The following CDK5RAP2 variants were observed in gnomAD, a reference collection of about 807,000 sequenced individuals.
CDK5RAP2 encodes CDK5 regulatory subunit-associated protein 2.
Under a neutral mutation model 232.9 loss-of-function variants are expected in CDK5RAP2, and 147 were observed. The ratio of observed to expected loss-of-function variants is 0.63; its 90% confidence interval spans 0.55 to 0.72. The LOEUF (loss-of-function observed/expected upper bound fraction) is 0.72, where lower values mean the gene tolerates loss of function less well. CDK5RAP2 is among the 30% of genes least tolerant of loss of function. The pLI is 0.00. For synonymous variants in CDK5RAP2, 833 were observed against 833.7 expected, an observed-to-expected ratio of 1.00 and a Z score of 0.01; for missense variants, 2,195 against 2,231.5, an observed-to-expected ratio of 0.98 and a Z score of 0.33.
chr9:120,452,224 T>C (rs2131396814), intron 21 of CDK5RAP2, among the ~76,000 whole-genome samples: 1 of 149,026 alleles, frequency 6.7e-6, no homozygotes. Flanking sequence ...TCTAGTACCG[T>C]TAATATAATG....
At position 120,403,945 on chromosome 9, in the gene CDK5RAP2, G is replaced by A. The variant is rs1252123102; in HGVS notation, c.5041+91C>T. 2.3e-6 allele frequency: 2 copies of A among 857,168 alleles called. No homozygotes were observed. The highest frequency in any genetic ancestry group is 4.0e-6 in the Non-Finnish European group (2 of 495,330). The allele number at this position is 857,168 out of a possible 1,614,324, so 53.1% of individuals were successfully genotyped here. A position where few individuals can be genotyped will look rare whatever the true frequency, so the allele number is the denominator to read the frequency against. Reference sequence around the variant, plus strand: ...AAATCCTTACCAAATACCCTCCTGAGTTGGGACCAGGGACCCCCCTTTTCT... The same window carrying A: ...AAATCCTTACCAAATACCCTCCTGAATTGGGACCAGGGACCCCCCTTTTCT... On this transcript the variant is annotated intron_variant, in intron 33 of 37. Coordinates refer to ENST00000349780, the MANE Select transcript of CDK5RAP2 (RefSeq NM_018249.6). This position sits in a 1 kb window ranked among gnomAD's most constrained non-coding sequence, Gnocchi z 4.2.
At position 120,389,184 on chromosome 9, in the gene CDK5RAP2, A is replaced by T; in HGVS notation, c.*52T>A. The T allele has an allele frequency of 1.4e-6, 2 of 1,450,584 alleles. No individual in the cohort carries two copies. The highest frequency in any genetic ancestry group is 2.3e-5 in the South Asian group (2 of 85,392). The allele number at this position is 1,450,584 out of a possible 1,614,324, so 89.9% of individuals were successfully genotyped here. A position where few individuals can be genotyped will look rare whatever the true frequency, so the allele number is the denominator to read the frequency against. Reference sequence around the variant, plus strand: ...TAGGAACCACACTTGGAACAAAGAGACAGCGTGAGCTCGGTGGGGGAAGCA... The same window carrying T: ...TAGGAACCACACTTGGAACAAAGAGTCAGCGTGAGCTCGGTGGGGGAAGCA... On this transcript the variant is annotated 3_prime_UTR_variant, in exon 38 of 38. Coordinates refer to ENST00000349780, the MANE Select transcript of CDK5RAP2 (RefSeq NM_018249.6).
chr9:120,501,309 C>A (rs1259459058), intron 12 of CDK5RAP2, among the ~76,000 whole-genome samples: 8 of 152,216 alleles, frequency 5.3e-5, no homozygotes, highest in Admixed American at 5.2e-4. Context: ...ATCATCTTCT[C>A]AGACCAGTCT....
At chr9:120,567,866 T>C (rs2042702997) in intron 3 of CDK5RAP2, among the ~76,000 whole-genome samples, 2 of 152,178 alleles carry the variant, frequency 1.3e-5, no homozygotes, top group Non-Finnish European at 2.9e-5. Context: ...AACAACTCTC[T>C]CCTAGTCTTA....
At chr9:120,391,515 A>G (rs757057643) in intron 36 of CDK5RAP2, among the ~76,000 whole-genome samples, 5 of 152,218 alleles carry the variant, frequency 3.3e-5, no homozygotes, top group Admixed American at 6.5e-5. Context: ...ACCTGGTGAC[A>G]GGTGGTTTCC....
intron 25 of CDK5RAP2, among the ~76,000 whole-genome samples, chr9:120,423,875 A>C (rs1243976152): frequency 1.3e-5 from 2 of 152,244 alleles, no homozygotes; most frequent in Admixed American, 1.3e-4. Context: ...GTTCCCACCT[A>C]CAAACTCACA....
chr9:120,498,572 A>G (rs963552195), intron 12 of CDK5RAP2, among the ~76,000 whole-genome samples: 9 of 152,196 alleles, frequency 5.9e-5, no homozygotes, highest in African/African-American at 1.9e-4. Context: ...TTAGTTCATA[A>G]TGTTGCATCA....
In CDK5RAP2 at chr9:120,415,115, G is replaced by C. The variant is rs151259479; in HGVS notation, c.4222C>G (p.Arg1408Gly). 65 of 1,613,794 alleles carry C rather than the reference G, an allele frequency of 4.0e-5. No individual in the cohort carries two copies. Among genetic ancestry groups the C allele is most frequent in the South Asian group, 1.6e-4 (15 of 91,082 alleles). Reference sequence around the variant, plus strand: ...TTTGTTTTAATAGATTCTTCTAAACGCTTTCTCAAAGTTCGAATTTCCTGT... The same window carrying C: ...TTTGTTTTAATAGATTCTTCTAAACCCTTTCTCAAAGTTCGAATTTCCTGT... The part of the protein sequence containing the change: ...HIQEIRTLRK[R>G]LEESIKTNEK... The change falls in exon 28 of 38, where the codon CGT (arginine) becomes GGT (glycine). Residue 1408 changes from arginine to glycine, a missense_variant. By Grantham distance (125) the Arg-to-Gly change is moderately radical. Coordinates refer to ENST00000349780, the MANE Select transcript of CDK5RAP2 (RefSeq NM_018249.6).
intron 35 of CDK5RAP2, among the ~76,000 whole-genome samples, chr9:120,397,549 AAAAAAAAAAAAAAAAAGAAAAAAG>A (rs2032598946): frequency 7.2e-6 from 1 of 138,026 alleles, no homozygotes; most frequent in Admixed American, 7.1e-5. Context: ...ATTCTTAAAA[AAAAAAAAAAAAAAAAAGAAAAAAG>A]AAAAAAAAAA....
At chr9:120,573,264 C>G (rs2042917286) in intron 1 of CDK5RAP2, among the ~76,000 whole-genome samples, 1 of 152,042 alleles carries the variant, frequency 6.6e-6, no homozygotes, top group Non-Finnish European at 1.5e-5. Context: ...AAAAATGTGT[C>G]CGGGCTGGGT....
At chr9:120,393,654 T>A (rs2032201468) in intron 36 of CDK5RAP2, among the ~76,000 whole-genome samples, 1 of 152,204 alleles carries the variant, frequency 6.6e-6, no homozygotes, top group Non-Finnish European at 1.5e-5. Context: ...CGCCTGCTCC[T>A]CTAAATGCAG....
chr9:120,452,918 C>T (rs1229152712), intron 21 of CDK5RAP2, among the ~76,000 whole-genome samples: 1 of 152,026 alleles, frequency 6.6e-6, no homozygotes, highest in African/African-American at 2.4e-5. Context: ...ATAGATGAAG[C>T]CCTCAGAATA....
intron 12 of CDK5RAP2, among the ~76,000 whole-genome samples, chr9:120,497,819 C>T (rs1219431918): frequency 3.9e-5 from 6 of 152,138 alleles, no homozygotes; most frequent in Admixed American, 3.9e-4. Flanking sequence ...GGAACATGTC[C>T]GGGGTTCAGG....
intron 3 of CDK5RAP2, among the ~76,000 whole-genome samples, chr9:120,552,697 G>T (rs958962565): frequency 4.5e-5 from 5 of 111,428 alleles, no homozygotes; most frequent in African/African-American, 1.4e-4. Flanking sequence ...CTGTTGTGGG[G>T]TGGGGGGAGG....
intron 4 of CDK5RAP2, among the ~76,000 whole-genome samples, chr9:120,549,134 C>A (rs1365880230): frequency 2.8e-5 from 4 of 141,726 alleles, no homozygotes; most frequent in African/African-American, 8.0e-5. Flanking sequence ...CCAGCCTGGG[C>A]AACAGACGGA....
At position 120,530,012 on chromosome 9, in the gene CDK5RAP2, G is replaced by A; in HGVS notation, c.791C>T (p.Ala264Val). The A allele has an allele frequency of 2.5e-6, 4 of 1,613,932 alleles. No individual in the cohort carries two copies. The highest frequency in any genetic ancestry group is 3.4e-6 in the Non-Finnish European group (4 of 1,179,906). The change falls in exon 8 of 38, where the codon GCT (alanine) becomes GTT (valine). Residue 264 changes from alanine (A) to valine (V), a missense_variant. Coordinates refer to ENST00000349780, the MANE Select transcript of CDK5RAP2 (RefSeq NM_018249.6). ...TCTCTCCTTTTCTTCCCTTGGAGCA[G>A]CACAAAGTCCTCGGAGCTCTCCAGA... ...VSSGELRGLC[A>V]APREEKERET...
rs1446895665 is a variant in CDK5RAP2, at chr9:120,403,408, G to C, written c.5042-337C>G. On this transcript the variant is annotated intron_variant, in intron 33 of 37. Transcript: ENST00000349780. The surrounding 1 kb of genome is among the most constrained non-coding windows in gnomAD (Gnocchi z 4.2). ...TGATCAGAACACAGACACTGCAGAAGGTGCAACAGCAGAGTGATGAAGGGC... is the reference window on the plus strand; with the variant it reads ...TGATCAGAACACAGACACTGCAGAACGTGCAACAGCAGAGTGATGAAGGGC... The C allele has an allele frequency of 2.8e-6, 1 of 361,490 alleles. No individual in the cohort carries two copies. The highest frequency in any genetic ancestry group is 4.4e-5 in the Admixed American group (1 of 22,518). 22.4% of individuals were successfully genotyped at this position (361,490 alleles called of 1,614,324 possible).
At chr9:120,465,918 T>C (rs920830091) in intron 18 of CDK5RAP2, among the ~76,000 whole-genome samples, 2 of 152,218 alleles carry the variant, frequency 1.3e-5, no homozygotes, top group African/African-American at 2.4e-5. Context: ...GAGAGATGTG[T>C]GCATCCACAT....
rs1278923983 is a variant in CDK5RAP2, at chr9:120,419,358, T to C, written c.4177+430A>G. 3.3e-5 allele frequency among the ~76,000 whole-genome samples: 5 copies of C among 152,326 alleles called. No individual in the cohort carries two copies. The East Asian group carries it at 9.6e-4, about 29-fold the overall frequency. ...ACTAAAGGAAAACAAAGTAGATTCC[T>C]ACAATCACAAATGTTGTATTTATAT... is the stretch of plus-strand genomic sequence containing the variant. On this transcript the variant is annotated intron_variant, in intron 27 of 37. Coordinates refer to ENST00000349780, the MANE Select transcript of CDK5RAP2 (RefSeq NM_018249.6).
Sources: allele counts gnomAD v4.1 joint callset (sites outside exome capture counted in the v4.1 genomes callset), GRCh38; gene constraint gnomAD v4.1.1; non-coding constraint Gnocchi (gnomAD v3.1); transcripts MANE v1.5; gene names NCBI Gene and HGNC (gene_info 2026-07-23, HGNC 2026-07-21).